The following TBC1D5 variants were observed in gnomAD, a reference collection of about 807,000 sequenced individuals.
The protein encoded by TBC1D5 is TBC1 domain family member 5.
TBC1D5 carries 75 observed loss-of-function variants against 100.3 expected under a neutral mutation model. That is an observed-to-expected ratio of 0.75 (90% CI 0.62 to 0.91). The LOEUF (loss-of-function observed/expected upper bound fraction) is 0.91, where lower values mean the gene tolerates loss of function less well. Among genes scored for constraint, TBC1D5 ranks in the 40% least tolerant of loss-of-function variants. The pLI, the probability that TBC1D5 is intolerant of heterozygous loss-of-function variation, is 0.00. For missense variants in TBC1D5, 910 were observed against 942.4 expected, an observed-to-expected ratio of 0.97 and a Z score of 0.45; for synonymous variants, 323 against 325.6, an observed-to-expected ratio of 0.99 and a Z score of 0.09.
At chr3:17,525,580 T>C (rs563631701) in intron 2 of TBC1D5, among the ~76,000 whole-genome samples, 1 of 152,148 alleles carries the variant, frequency 6.6e-6, no homozygotes, top group Admixed American at 6.5e-5. Context: ...TAAAGCTTAC[T>C]ACTGTTCAGA....
At chr3:17,164,840 C>T (rs2066432481) in intron 21 of TBC1D5, among the ~76,000 whole-genome samples, 1 of 152,224 alleles carries the variant, frequency 6.6e-6, no homozygotes, top group South Asian at 2.1e-4. Context: ...CAGGAATTCT[C>T]TCAAGAAATC....
intron 19 of TBC1D5, among the ~76,000 whole-genome samples, chr3:17,180,768 G>A (rs1008394394): frequency 6.6e-6 from 1 of 152,114 alleles, no homozygotes; most frequent in Non-Finnish European, 1.5e-5. Flanking sequence ...TGGAGACTCA[G>A]AAAGGTGGGA....
At chr3:17,528,337 T>C (rs9757339) in intron 2 of TBC1D5, among the ~76,000 whole-genome samples, 75,888 of 151,944 alleles carry the variant, frequency 0.5, 20,514 homozygotes, top group African/African-American at 0.68. Flanking sequence ...GAACTAGCTA[T>C]GTCCTTTTTC....
intron 1 of TBC1D5, among the ~76,000 whole-genome samples, chr3:17,668,851 G>C (rs1000191629): frequency 1.3e-5 from 2 of 152,142 alleles, no homozygotes; most frequent in African/African-American, 4.8e-5. Flanking sequence ...AGTTCCACAG[G>C]AAGTAGGGTT....
chr3:17,531,941 T>C (rs973447440), intron 2 of TBC1D5, among the ~76,000 whole-genome samples: 8 of 152,100 alleles, frequency 5.3e-5, no homozygotes, highest in Admixed American at 1.3e-4. Context: ...ACTTCATGTC[T>C]AAAACACCAA....
intron 1 of TBC1D5, among the ~76,000 whole-genome samples, chr3:17,713,935 A>G (rs1428080510): frequency 6.6e-6 from 1 of 152,236 alleles, no homozygotes; most frequent in Non-Finnish European, 1.5e-5. Context: ...TGTCAAAATC[A>G]TGGAACAGTC....
chr3:17,632,300 T>C (rs765446175), intron 1 of TBC1D5, among the ~76,000 whole-genome samples: 2 of 152,210 alleles, frequency 1.3e-5, no homozygotes, highest in Non-Finnish European at 2.9e-5. Flanking sequence ...TGAAATTTTA[T>C]GATAAAGTGT....
intron 3 of TBC1D5, among the ~76,000 whole-genome samples, chr3:17,470,920 CA>C (rs36082659): frequency 6.6e-6 from 1 of 150,462 alleles, no homozygotes; most frequent in African/African-American, 2.4e-5. Flanking sequence ...TAATCCATCT[CA>C]AAAAAAAAGT....
rs188497112 is a variant in TBC1D5, at chr3:17,198,998, T to C, written c.1753-13790A>G. On this transcript the variant is annotated intron_variant, in intron 18 of 21. Coordinates refer to ENST00000253692, the Ensembl canonical transcript of TBC1D5. ...ACCGGAATCAGTGTGAATTGCATTT[T>C]CCGCTACATGTAGCTGAAAGCATAC... 4.2e-4 allele frequency among the ~76,000 whole-genome samples: 64 copies of C among 152,354 alleles called. No individual in the cohort carries two copies. In the East Asian group the frequency reaches 7.1e-3, roughly 17 times the overall value.
chr3:17,163,177 C>T (rs900693476), intron 21 of TBC1D5, among the ~76,000 whole-genome samples: 3 of 152,096 alleles, frequency 2.0e-5, no homozygotes, highest in Non-Finnish European at 4.4e-5. Context: ...TCCCCCAATT[C>T]CCAGATGAAG....
chr3:17,528,437 G>A (rs1473672062), intron 2 of TBC1D5, among the ~76,000 whole-genome samples: 1 of 152,146 alleles, frequency 6.6e-6, no homozygotes, highest in African/African-American at 2.4e-5. Flanking sequence ...GCAGAGACCA[G>A]CCCTCACCAG....
intron 1 of TBC1D5, chr3:17,702,236 C>A (rs2073319836): frequency 6.6e-6 from 1 of 152,182 alleles, no homozygotes; most frequent in African/African-American, 2.4e-5. Flanking sequence ...CTTTTAAATG[C>A]AGTTCATTTA....
chr3:17,271,203 GGGCA>G (rs2079388749), intron 15 of TBC1D5, among the ~76,000 whole-genome samples: 1 of 152,062 alleles, frequency 6.6e-6, no homozygotes, highest in Non-Finnish European at 1.5e-5. Flanking sequence ...AGATTGCTTT[GGGCA>G]GTAGGACATT....
chr3:17,559,830 C>A (rs2096546939), intron 2 of TBC1D5, among the ~76,000 whole-genome samples: 1 of 152,022 alleles, frequency 6.6e-6, no homozygotes, highest in Admixed American at 6.6e-5. Context: ...ACTTCATGAT[C>A]CGCCCATCTC....
intron 14 of TBC1D5, 85 bp downstream of exon 14, chr3:17,307,907 A>G (rs1207397497): frequency 2.0e-6 from 3 of 1,529,998 alleles, no homozygotes; most frequent in Non-Finnish European, 2.6e-6. Flanking sequence ...ATCAAATAAT[A>G]AAACACAAAG....
rs1313396408 is a variant in TBC1D5, at chr3:17,690,439, A to G, written c.-101+48904T>C. 3.5e-4 allele frequency among the ~76,000 whole-genome samples: 12 copies of G among 34,412 alleles called. 2 individuals carry two copies. Among genetic ancestry groups the G allele is most frequent in the Admixed American group, 7.5e-4 (2 of 2,684 alleles). The allele number at this position is 34,412 out of a possible 152,430, so 22.6% of individuals were successfully genotyped here. On this transcript the variant is annotated intron_variant, in intron 1 of 21. Transcript: ENST00000253692. ...CACCGTTTTAGCCGGGATGGTCTCG[A>G]TCTCCTGACCTCGTGATCCGCCCGC...
At chr3:17,224,955 T>C (rs1447188331) in intron 17 of TBC1D5, among the ~76,000 whole-genome samples, 2 of 152,194 alleles carry the variant, frequency 1.3e-5, no homozygotes, top group Non-Finnish European at 2.9e-5. Flanking sequence ...TAAAAACATA[T>C]GTTTCTCCTC....
chr3:17,617,243 G>A (rs1431234735), intron 2 of TBC1D5, among the ~76,000 whole-genome samples: 1 of 152,156 alleles, frequency 6.6e-6, no homozygotes, highest in Non-Finnish European at 1.5e-5. Flanking sequence ...GGTTTCTGCC[G>A]AGAGATCCGC....
At chr3:17,492,292 C>G (rs1400976914) in intron 3 of TBC1D5, among the ~76,000 whole-genome samples, 2 of 152,106 alleles carry the variant, frequency 1.3e-5, no homozygotes, top group African/African-American at 4.8e-5. Context: ...TTCAGTCCCA[C>G]TCTGATCTTG....
Sources: gnomAD v4.1 joint callset for allele counts (sites outside exome capture counted in the v4.1 genomes callset) on GRCh38, gnomAD v4.1.1 for gene constraint, MANE v1.5 for transcripts, NCBI Gene and HGNC (gene_info 2026-07-23, HGNC 2026-07-21) for gene names.